The following BLTP1 variants were observed in gnomAD, a reference collection of about 807,000 sequenced individuals.
BLTP1 encodes the protein fragile site-associated protein.
the BLTP1 span, among the ~76,000 whole-genome samples, chr4:122,338,867 A>T: frequency 6.6e-6 from 1 of 152,202 alleles, no homozygotes; most frequent in Non-Finnish European, 1.5e-5. Context: ...TTAGGTTTTT[A>T]AAAATGATAG....
chr4:122,201,296 C>T, the BLTP1 span, among the ~76,000 whole-genome samples: 2 of 152,112 alleles, frequency 1.3e-5, no homozygotes, highest in African/African-American at 4.8e-5. Context: ...AGACATTTTG[C>T]ATTCTTTTCT....
the BLTP1 span, chr4:122,362,013 C>G: frequency 5.6e-5 from 89 of 1,589,424 alleles, no homozygotes; most frequent in Non-Finnish European, 7.2e-5. Flanking sequence ...TTAATAATAA[C>G]TGTAATTTTT....
the BLTP1 span, chr4:122,201,212 G>T: frequency 9.6e-7 from 1 of 1,036,788 alleles, no homozygotes. Context: ...AAATTACATA[G>T]GGATATGATA....
the BLTP1 span, among the ~76,000 whole-genome samples, chr4:122,159,822 A>G: frequency 6.6e-6 from 1 of 152,132 alleles, no homozygotes; most frequent in Non-Finnish European, 1.5e-5. Flanking sequence ...TTTAAAGCCT[A>G]CTCTATTTCT....
chr4:122,228,543 C>T, the BLTP1 span, among the ~76,000 whole-genome samples: 1 of 152,142 alleles, frequency 6.6e-6, no homozygotes, highest in Non-Finnish European at 1.5e-5. Flanking sequence ...CACTAATGAG[C>T]ATTTTCATGC....
At chr4:122,354,646 A>AC in the BLTP1 span, among the ~76,000 whole-genome samples, 1 of 149,808 alleles carries the variant, frequency 6.7e-6, no homozygotes, top group African/African-American at 2.5e-5. Flanking sequence ...AATGTTTTAC[A>AC]TAAAAATGAC....
chr4:122,212,248 T>C, the BLTP1 span, among the ~76,000 whole-genome samples: 1 of 152,148 alleles, frequency 6.6e-6, no homozygotes, highest in Non-Finnish European at 1.5e-5. Flanking sequence ...ATGATGTAAC[T>C]TAGTATAAAA....
chr4:122,279,981 C>T, the BLTP1 span: 12 of 1,613,732 alleles, frequency 7.4e-6, no homozygotes, highest in African/African-American at 1.3e-5. Context: ...CCTTCTACAG[C>T]GTAAGTTATT....
chr4:122,271,526 G>A, the BLTP1 span: 10 of 1,613,328 alleles, frequency 6.2e-6, no homozygotes, highest in Admixed American at 8.3e-5. Flanking sequence ...AACATCAAAA[G>A]TGTCTAGGAA....
chr4:122,178,605 G>A, the BLTP1 span, among the ~76,000 whole-genome samples: 1 of 152,210 alleles, frequency 6.6e-6, no homozygotes, highest in Non-Finnish European at 1.5e-5. Context: ...CTGAATGTAC[G>A]TTGACAACAC....
At chr4:122,200,344 G>A in the BLTP1 span, 6,799 of 867,456 alleles carry the variant, frequency 7.8e-3, 37 homozygotes, top group Non-Finnish European at 8.8e-3. Flanking sequence ...TTGGGAGGCT[G>A]AGGCAGGCGG....
chr4:122,343,439 C>T, the BLTP1 span: 5 of 1,613,868 alleles, frequency 3.1e-6, no homozygotes, highest in Non-Finnish European at 4.2e-6. Context: ...CCCTCTTGGC[C>T]GAAGTCGACA....
At chr4:122,187,402 T>C in the BLTP1 span, 1 of 1,608,962 alleles carries the variant, frequency 6.2e-7, no homozygotes, top group East Asian at 2.2e-5. Context: ...GGTTTTCTTA[T>C]TCATGTCAGT....
At chr4:122,161,254 C>T in the BLTP1 span, 5 of 344,652 alleles carry the variant, frequency 1.5e-5, no homozygotes, top group African/African-American at 6.7e-5. Context: ...GATTTGGGTA[C>T]GATTAAATTT....
the BLTP1 span, chr4:122,269,823 T>C: frequency 2.9e-6 from 1 of 343,560 alleles, no homozygotes; most frequent in East Asian, 1.7e-4. Context: ...CTGTCTCTAG[T>C]AAAAGTAGCT....
the BLTP1 span, chr4:122,257,505 T>TAAGC: frequency 4.2e-5 from 67 of 1,613,710 alleles, no homozygotes; most frequent in South Asian, 7.1e-4. Flanking sequence ...GGTAGTTTTG[T>TAAGC]AAGCCTCTAT....
At chr4:122,183,456 C>A in the BLTP1 span, 1 of 984,218 alleles carries the variant, frequency 1.0e-6, no homozygotes, top group Non-Finnish European at 1.2e-6. Flanking sequence ...AGGCTTATAG[C>A]TTTAAACTGT....
chr4:122,331,377 T>TCA, the BLTP1 span: 1 of 1,611,902 alleles, frequency 6.2e-7, no homozygotes, highest in Non-Finnish European at 8.5e-7. Context: ...ATCAGCTATT[T>TCA]ACAGAACGCT....
At chr4:122,361,704 G>A in the BLTP1 span, among the ~76,000 whole-genome samples, 1 of 152,130 alleles carries the variant, frequency 6.6e-6, no homozygotes, top group African/African-American at 2.4e-5. Flanking sequence ...TATGCCACAT[G>A]CTTATGAAAT....
Sources: gnomAD v4.1 joint callset for allele counts (sites outside exome capture counted in the v4.1 genomes callset) on GRCh38, gnomAD v4.1.1 for gene constraint, MANE v1.5 for transcripts, NCBI Gene and HGNC (gene_info 2026-07-23, HGNC 2026-07-21) for gene names.